SPTBN1: variants seen among roughly 807,000 people sequenced by gnomAD.
SPTBN1 encodes the protein spectrin beta chain, non-erythrocytic 1.
In SPTBN1, 32 loss-of-function variants were observed where a neutral mutation model predicts 266.4. The observed-to-expected ratio is 0.12, with a 90% CI of 0.09 to 0.16. The LOEUF (loss-of-function observed/expected upper bound fraction) is 0.16. SPTBN1 is among the 10% of genes least tolerant of loss of function. The pLI is 1.00. For missense variants in SPTBN1, 2,296 were observed against 3,067.1 expected, an observed-to-expected ratio of 0.75 and a Z score of 5.94; for synonymous variants, 1,336 against 1,162.2, an observed-to-expected ratio of 1.15 and a Z score of -3.04.
rs1680477716 is a variant in SPTBN1 at position 54,653,950 on chromosome 2, C to T, written c.5822+97C>T. 3.9e-6 allele frequency: 6 copies of T among 1,527,530 alleles called. No homozygotes were observed. In the Admixed American group the frequency reaches 7.4e-5, roughly 19 times the overall value. 94.6% of individuals were successfully genotyped at this position (1,527,530 alleles called of 1,614,324 possible). On this transcript the variant is annotated intron_variant, in intron 27 of 35. Coordinates refer to ENST00000356805, the MANE Select transcript of SPTBN1 (RefSeq NM_003128.3). The surrounding 1 kb of genome is among the most constrained non-coding windows in gnomAD (Gnocchi z 5.1). ...AGCAGGAGCCTTGAAAGCGTTCCTG[C>T]CTGAGCGCTTCAAGGCCAGAGTGGG...
intron 2 of SPTBN1, among the ~76,000 whole-genome samples, chr2:54,538,316 C>T (rs925626403): frequency 1.3e-5 from 2 of 152,194 alleles, no homozygotes; most frequent in African/African-American, 4.8e-5. Flanking sequence ...CCCAAGCTTG[C>T]ATCTTTGGAT....
chr2:54,538,937 C>T (rs1047896550), intron 2 of SPTBN1, among the ~76,000 whole-genome samples: 7 of 152,148 alleles, frequency 4.6e-5, no homozygotes, highest in Non-Finnish European at 7.3e-5. Flanking sequence ...TCTAAGTTTG[C>T]AGGAAACCCA....
intron 2 of SPTBN1, among the ~76,000 whole-genome samples, chr2:54,594,774 A>C (rs1407003109): frequency 1.3e-5 from 2 of 151,478 alleles, no homozygotes; most frequent in Non-Finnish European, 2.9e-5. Context: ...TGATTTACAT[A>C]ACTTCTAAAT....
chr2:54,502,454 A>G (rs968123433), intron 1 of SPTBN1, among the ~76,000 whole-genome samples: 7 of 152,174 alleles, frequency 4.6e-5, no homozygotes, highest in African/African-American at 1.4e-4. Flanking sequence ...ATAATTGTCT[A>G]TTTCCGGCAA....
At position 54,631,096 on chromosome 2, in the gene SPTBN1, A is replaced by G. The variant is rs1162360801; in HGVS notation, c.3049A>G (p.Lys1017Glu). ...AIEAKLSDLQ[K>E]EAEKLESEHP... is the part of the protein sequence containing the mutation. The stretch of plus-strand genomic sequence containing the variant: ...TGAGGCAAAGCTGAGTGACCTGCAG[A>G]AGGAGGCGGAGAAGCTGGAGTCCGA... Residue 1017 changes from lysine to glutamate, a missense_variant, in exon 16 of 36, where the codon AAG becomes GAG. Transcript: ENST00000356805. The G allele has an allele frequency of 1.2e-6, 2 of 1,614,160 alleles. No individual in the cohort carries two copies. Among genetic ancestry groups the G allele is most frequent in the Non-Finnish European group, 1.7e-6 (2 of 1,180,010 alleles).
At chr2:54,619,659 C>A (rs1185130734) in intron 7 of SPTBN1, among the ~76,000 whole-genome samples, 1 of 111,194 alleles carries the variant, frequency 9.0e-6, no homozygotes, top group South Asian at 3.0e-4. Flanking sequence ...CTTCTCACTT[C>A]TTTGAGTTTT....
At position 54,630,867 on chromosome 2, in the gene SPTBN1, C is replaced by T; in HGVS notation, c.2820C>T (p.Phe940=). 6.3e-7 allele frequency: 1 copy of T among 1,590,620 alleles called. No individual in the cohort carries two copies. The highest frequency in any genetic ancestry group is 8.6e-7 in the Non-Finnish European group (1 of 1,166,724). The stretch of plus-strand genomic sequence containing the variant: ...CCTGCACTCACAGGTGGAGCCAGTT[C>T]AGAGAACTGGTTGACAGGAAGAAGG... ...QDKLNTRWSQ[F]RELVDRKKDA... is the part of the protein sequence containing the mutation. The change falls in exon 16 of 36, where the codon TTC becomes TTT. Residue 940 remains phenylalanine, a synonymous_variant. Transcript: ENST00000356805.
chr2:54,558,696 G>C lies in SPTBN1; in HGVS notation c.148+32130G>C, dbSNP rs568428204. 10 of 1,548,718 alleles carry C rather than the reference G, an allele frequency of 6.5e-6. No homozygotes were observed. In the East Asian group the frequency reaches 2.3e-4, roughly 36 times the overall value. On this transcript the variant is annotated intron_variant, in intron 2 of 35. Transcript: ENST00000356805. The surrounding 1 kb of genome is among the most constrained non-coding windows in gnomAD (Gnocchi z 4.6). Reference sequence around the variant, plus strand: ...GCCTAAGGAGCCGAGCGCTGCGGAGGCTGCTGCGTGTTGGATGGGAGTGGG... The same window carrying C: ...GCCTAAGGAGCCGAGCGCTGCGGAGCCTGCTGCGTGTTGGATGGGAGTGGG...
intron 1 of SPTBN1, among the ~76,000 whole-genome samples, chr2:54,475,528 G>A (rs74961624): frequency 0.04 from 6,070 of 152,224 alleles, 169 homozygotes; most frequent in South Asian, 0.076. Flanking sequence ...GGAATGGCCT[G>A]TGTCCAGACT....
At chr2:54,618,847 A>G (rs117172645) in intron 7 of SPTBN1, among the ~76,000 whole-genome samples, 11 of 152,260 alleles carry the variant, frequency 7.2e-5, no homozygotes, top group Admixed American at 7.2e-4. Context: ...GCTGCATCCC[A>G]TTATCTGCAC....
chr2:54,655,779 C>CT (rs1680612010), intron 28 of SPTBN1, 135 bp from the exon 29 acceptor site: 1 of 615,970 alleles, frequency 1.6e-6, no homozygotes, highest in Non-Finnish European at 2.9e-6. Flanking sequence ...CTCAGACAGA[C>CT]TGAGCAGTCC....
intron 1 of SPTBN1, among the ~76,000 whole-genome samples, chr2:54,482,028 G>A (rs1036208539): frequency 2.6e-5 from 4 of 152,204 alleles, no homozygotes; most frequent in Non-Finnish European, 5.9e-5. Flanking sequence ...TGATGAGCCT[G>A]AGGTGTGGCA....
chr2:54,535,698 G>T lies in SPTBN1; in HGVS notation c.148+9132G>T, dbSNP rs191222849. Among the ~76,000 whole-genome samples, 10 of 152,322 alleles carry T rather than the reference G, an allele frequency of 6.6e-5. No individual in the cohort carries two copies. The East Asian group carries it at 1.9e-3, about 29-fold the overall frequency. Reference sequence around the variant, plus strand: ...TGTGATTTTTATTTGGTGGTTGCCTGGAAACAGATGGCAAATCTGTTGTAG... The same window carrying T: ...TGTGATTTTTATTTGGTGGTTGCCTTGAAACAGATGGCAAATCTGTTGTAG... On this transcript the variant is annotated intron_variant, in intron 2 of 35. Transcript: ENST00000356805.
At position 54,646,225 on chromosome 2, in the gene SPTBN1, C is replaced by A; in HGVS notation, c.4616C>A (p.Pro1539His). Residue 1539 changes from proline to histidine, a missense_variant, in exon 23 of 36, where the codon CCT (proline) becomes CAT (histidine). Around this residue, in one of 12 missense-constraint regions of SPTBN1, gnomAD observed 644 missense variants for 745.3 expected, o/e 0.86. Coordinates refer to ENST00000356805, the MANE Select transcript of SPTBN1 (RefSeq NM_003128.3). The surrounding 1 kb of genome is among the most constrained non-coding windows in gnomAD (Gnocchi z 4.4). ...CAGAAAGAAATCCAGGGGCACCAGCCTCGCATTGACGACATCTTTGAGAGG... is the reference window on the plus strand; with the variant it reads ...CAGAAAGAAATCCAGGGGCACCAGCATCGCATTGACGACATCTTTGAGAGG... ...TLQKEIQGHQ[P>H]RIDDIFERSQ... is the part of the protein sequence containing the mutation. 1 of 1,612,980 alleles carries A rather than the reference C, an allele frequency of 6.2e-7. No individual in the cohort carries two copies. The highest frequency in any genetic ancestry group is 1.1e-5 in the South Asian group (1 of 90,962).
intron 2 of SPTBN1, among the ~76,000 whole-genome samples, chr2:54,538,747 T>C (rs1045575404): frequency 2.0e-5 from 3 of 152,188 alleles, no homozygotes; most frequent in African/African-American, 7.2e-5. Flanking sequence ...AATTTTGCCA[T>C]TCAGGTTTAA....
In SPTBN1 at chr2:54,485,760, G is replaced by A. The variant is rs544929728; in HGVS notation, c.-48+29242G>A. ...TAGGAAGTGAGGAGCGCCTCTTCCCGGCCGCCATCACATCTAGGAAGTGAG... is the reference window on the plus strand; with the variant it reads ...TAGGAAGTGAGGAGCGCCTCTTCCCAGCCGCCATCACATCTAGGAAGTGAG... On this transcript the variant is annotated intron_variant, in intron 1 of 35. Coordinates refer to ENST00000356805, the MANE Select transcript of SPTBN1 (RefSeq NM_003128.3). Among the ~76,000 whole-genome samples the A allele has an allele frequency of 1.3e-4, 19 of 151,140 alleles. 1 individual carries two copies. Among genetic ancestry groups the A allele is most frequent in the Admixed American group, 3.3e-4 (5 of 15,206 alleles).
intron 2 of SPTBN1, among the ~76,000 whole-genome samples, chr2:54,545,155 T>G (rs1003697065): frequency 6.6e-6 from 1 of 152,228 alleles, no homozygotes; most frequent in Admixed American, 6.5e-5. Flanking sequence ...ATGTGCCACA[T>G]TTTCTTTATC....
chr2:54,572,099 G>A (rs1674124461), intron 2 of SPTBN1, among the ~76,000 whole-genome samples: 1 of 152,064 alleles, frequency 6.6e-6, no homozygotes. Context: ...TGGGTGCTGG[G>A]GAATTTACTA....
intron 4 of SPTBN1, among the ~76,000 whole-genome samples, chr2:54,612,608 C>T (rs1677294844): frequency 6.6e-6 from 1 of 152,186 alleles, no homozygotes; most frequent in Admixed American, 6.5e-5. Context: ...AGGCTGCATC[C>T]CAGCCCGCCA....
Sources: gnomAD v4.1 joint callset for allele counts (sites outside exome capture counted in the v4.1 genomes callset) on GRCh38, gnomAD v4.1.1 for gene constraint, gnomAD v4.1.1 regional missense constraint, Gnocchi (gnomAD v3.1) non-coding constraint, MANE v1.5 for transcripts, NCBI Gene and HGNC (gene_info 2026-07-23, HGNC 2026-07-21) for gene names.